STAG1: variants seen among roughly 807,000 people sequenced by gnomAD.
STAG1 encodes the protein STAG1 cohesin complex component.
In STAG1, 26 loss-of-function variants were observed where a neutral mutation model predicts 170.9. That is an observed-to-expected ratio of 0.15 (90% confidence interval 0.11 to 0.21). The LOEUF is 0.21. STAG1 is among the 10% of genes least tolerant of loss of function. STAG1 has a pLI of 1.00. For synonymous variants in STAG1, 514 were observed against 497.7 expected (o/e 1.03, Z -0.44); for missense variants, 964 against 1,509.5 (o/e 0.64, Z 5.99).
At chr3:136,457,059 C>T (rs1218853343) in intron 13 of STAG1, among the ~76,000 whole-genome samples, 1 of 152,172 alleles carries the variant, frequency 6.6e-6, no homozygotes, top group Non-Finnish European at 1.5e-5. Flanking sequence ...CAGAAAAGCT[C>T]AGGCAGGATT....
chr3:136,554,789 G>C (rs1936541715), intron 5 of STAG1, among the ~76,000 whole-genome samples: 1 of 152,052 alleles, frequency 6.6e-6, no homozygotes, highest in African/African-American at 2.4e-5. Flanking sequence ...CAGCTACTTG[G>C]GAAGCTGAGG....
chr3:136,583,406 T>C (rs952949331), intron 4 of STAG1, among the ~76,000 whole-genome samples: 1 of 152,168 alleles, frequency 6.6e-6, no homozygotes, highest in African/African-American at 2.4e-5. Flanking sequence ...TATCATGAAT[T>C]TTTTTAATGT....
chr3:136,722,740 G>A (rs985761942), intron 1 of STAG1, among the ~76,000 whole-genome samples: 3 of 149,648 alleles, frequency 2.0e-5, no homozygotes, highest in Admixed American at 6.7e-5. Flanking sequence ...CACTGATGCC[G>A]AGCCGAAGCT....
At chr3:136,463,990 A>T (rs1377913557) in intron 13 of STAG1, among the ~76,000 whole-genome samples, 2 of 150,888 alleles carry the variant, frequency 1.3e-5, no homozygotes, top group East Asian at 3.9e-4. Context: ...AATCACGCTA[A>T]AACATGTACA....
rs919856379 is a variant in STAG1, at chr3:136,340,725, G to A, written c.3558-120C>T. 4 of 642,876 alleles carry A rather than the reference G, an allele frequency of 6.2e-6. No individual in the cohort carries two copies. The African/African-American group carries it at 7.3e-5, about 12-fold the overall frequency. The allele number at this position is 642,876 out of a possible 1,614,324, so 39.8% of individuals were successfully genotyped here. A position where few individuals can be genotyped will look rare whatever the true frequency, so the allele number is the denominator to read the frequency against. ...GTATACCTTCTAATCATGACCTACA[G>A]ACTACACAAATTAGACTGAATTCCA... On this transcript the variant is annotated intron_variant, in intron 31 of 33. Coordinates refer to ENST00000383202, the MANE Select transcript of STAG1 (RefSeq NM_005862.3).
intron 1 of STAG1, among the ~76,000 whole-genome samples, chr3:136,648,829 AAT>A (rs1193301476): frequency 6.6e-6 from 1 of 152,162 alleles, no homozygotes; most frequent in Non-Finnish European, 1.5e-5. Flanking sequence ...TGAATATTTC[AAT>A]AGTCTCCTAG....
intron 1 of STAG1, among the ~76,000 whole-genome samples, chr3:136,650,076 T>A (rs1453842384): frequency 6.6e-6 from 1 of 151,702 alleles, no homozygotes; most frequent in African/African-American, 2.4e-5. Context: ...CAAAAAAAAA[T>A]TTTTGTAAAG....
intron 21 of STAG1, among the ~76,000 whole-genome samples, chr3:136,401,894 GC>G (rs1191733891): frequency 6.6e-6 from 1 of 152,032 alleles, no homozygotes; most frequent in African/African-American, 2.4e-5. Flanking sequence ...ACAGGCACGT[GC>G]CACCACGCCT....
At chr3:136,722,836 C>A (rs918539876) in intron 1 of STAG1, among the ~76,000 whole-genome samples, 1 of 152,122 alleles carries the variant, frequency 6.6e-6, no homozygotes, top group African/African-American at 2.4e-5. Flanking sequence ...CGATTGCAGG[C>A]GCGCGCCACC....
intron 9 of STAG1, among the ~76,000 whole-genome samples, chr3:136,478,758 T>C (rs1036855888): frequency 6.6e-6 from 1 of 152,204 alleles, no homozygotes; most frequent in Non-Finnish European, 1.5e-5. Flanking sequence ...TTACAACCTT[T>C]AGTTTTCCTA....
chr3:136,665,542 G>A (rs758245887), intron 1 of STAG1, among the ~76,000 whole-genome samples: 10 of 152,102 alleles, frequency 6.6e-5, no homozygotes, highest in Non-Finnish European at 1.5e-4. Flanking sequence ...CACTTTGGGA[G>A]GACGAGACAG....
intron 14 of STAG1, among the ~76,000 whole-genome samples, chr3:136,446,098 A>T (rs1210479318): frequency 6.6e-6 from 1 of 151,970 alleles, no homozygotes; most frequent in Non-Finnish European, 1.5e-5. Context: ...ATTTTCTAGC[A>T]TTTATCCGTT....
chr3:136,500,777 G>C (rs1445940663), intron 8 of STAG1, among the ~76,000 whole-genome samples: 5 of 152,140 alleles, frequency 3.3e-5, no homozygotes, highest in African/African-American at 7.2e-5. Context: ...TTCCCAATAA[G>C]AGGTATAACA....
chr3:136,580,862 C>T (rs1162877197), intron 4 of STAG1, among the ~76,000 whole-genome samples: 1 of 152,008 alleles, frequency 6.6e-6, no homozygotes, highest in Non-Finnish European at 1.5e-5. Context: ...CTAAGTTTTT[C>T]ACCAAATTTT....
intron 3 of STAG1, among the ~76,000 whole-genome samples, chr3:136,620,826 C>T (rs1428618468): frequency 2.0e-5 from 3 of 152,116 alleles, no homozygotes; most frequent in Non-Finnish European, 2.9e-5. Context: ...CATGAACATG[C>T]ACTATTTACT....
intron 6 of STAG1, among the ~76,000 whole-genome samples, chr3:136,529,952 G>A (rs1429391837): frequency 2.0e-5 from 3 of 152,094 alleles, no homozygotes; most frequent in Non-Finnish European, 4.4e-5. Flanking sequence ...CAGATGAGTA[G>A]ATAAAAGACA....
chr3:136,690,744 G>C (rs1031764664), intron 1 of STAG1, among the ~76,000 whole-genome samples: 4 of 152,108 alleles, frequency 2.6e-5, no homozygotes, highest in Admixed American at 6.6e-5. Flanking sequence ...AATTTCATAA[G>C]AGGTAAGATG....
intron 14 of STAG1, among the ~76,000 whole-genome samples, chr3:136,444,637 T>C (rs547208364): frequency 2.0e-5 from 3 of 152,310 alleles, no homozygotes; most frequent in Non-Finnish European, 4.4e-5. Flanking sequence ...AAAGAGTGCA[T>C]AGCACATAGA....
Position 136,589,585 on chromosome 3 carries a change from C to A in STAG1, c.297+14724G>T, listed in dbSNP as rs190494823. 2.4e-3 allele frequency among the ~76,000 whole-genome samples: 321 copies of A among 134,750 alleles called. 2 individuals carry two copies. The highest frequency in any genetic ancestry group is 4.0e-3 in the Non-Finnish European group (266 of 65,704). 88.4% of individuals were successfully genotyped at this position (134,750 alleles called of 152,430 possible). ...CCAGGAGGCGGAGGTTGCAGTGAGC[C>A]AAGATCGTGCCACTGCACTCCAGCC... is the stretch of plus-strand genomic sequence containing the variant. On this transcript the variant is annotated intron_variant, in intron 4 of 33. Coordinates refer to ENST00000383202, the MANE Select transcript of STAG1 (RefSeq NM_005862.3).
Sources: gnomAD v4.1 joint callset for allele counts (sites outside exome capture counted in the v4.1 genomes callset) on GRCh38, gnomAD v4.1.1 for gene constraint, MANE v1.5 for transcripts, NCBI Gene and HGNC (gene_info 2026-07-23, HGNC 2026-07-21) for gene names.